Variants in DCAF8L2 observed in about 807,000 individuals in gnomAD.
DCAF8L2 encodes the protein DDB1- and CUL4-associated factor 8-like protein 2.
For missense variants in DCAF8L2, 430 were observed against 490.7 expected (o/e 0.88, Z 1.17); for synonymous variants, 200 against 190.9 (o/e 1.05, Z -0.39).
intron 2 of DCAF8L2, chrX:27,633,122 T>C (rs1416800176): frequency 1.8e-5 from 2 of 112,489 alleles, no homozygotes; most frequent in African/African-American, 3.2e-5. Flanking sequence ...CATACTTGAT[T>C]GTTAGTGTAA....
intron 2 of DCAF8L2, among the ~76,000 whole-genome samples, chrX:27,673,120 A>G (rs1293104458): frequency 9.0e-6 from 1 of 111,007 alleles, no homozygotes; most frequent in Non-Finnish European, 1.9e-5. Context: ...CAAGCTGGCT[A>G]GGAAGTATTT....
the DCAF8L2 span, among the ~76,000 whole-genome samples, chrX:27,494,407 A>AAAAT: frequency 1.8e-5 from 2 of 111,215 alleles, no homozygotes; most frequent in Admixed American, 9.6e-5. Context: ...CTCCGTCTCA[A>AAAAT]AAATAAATAA....
chrX:27,499,841 G>GT, the DCAF8L2 span, among the ~76,000 whole-genome samples: 3 of 108,545 alleles, frequency 2.8e-5, no homozygotes, highest in East Asian at 2.9e-4. Flanking sequence ...GGTGGTGGGG[G>GT]GGGGTACAGG....
chrX:27,656,462 T>G (rs766945098), intron 2 of DCAF8L2, among the ~76,000 whole-genome samples: 351 of 111,938 alleles, frequency 3.1e-3, no homozygotes, highest in Non-Finnish European at 5.6e-3. Context: ...TCTAATTGAT[T>G]GTATACTGTA....
At chrX:27,617,886 A>G (rs1408404485) in intron 1 of DCAF8L2, among the ~76,000 whole-genome samples, 1 of 112,158 alleles carries the variant, frequency 8.9e-6, no homozygotes, top group African/African-American at 3.2e-5. Context: ...ATGTTACTTC[A>G]ATAATGTGGA....
At chrX:27,577,952 A>G in the DCAF8L2 span, among the ~76,000 whole-genome samples, 2 of 111,846 alleles carry the variant, frequency 1.8e-5, no homozygotes, top group East Asian at 5.6e-4. Context: ...AAGAATCAAC[A>G]TCATGAAAAT....
intron 2 of DCAF8L2, among the ~76,000 whole-genome samples, chrX:27,649,700 G>A (rs1001456499): frequency 8.9e-6 from 1 of 111,810 alleles, no homozygotes; most frequent in Non-Finnish European, 1.9e-5. Context: ...CTTAATATTA[G>A]ACATTTGTCA....
intron 3 of DCAF8L2, among the ~76,000 whole-genome samples, chrX:27,679,711 T>C (rs922414733): frequency 9.0e-6 from 1 of 111,504 alleles, no homozygotes; most frequent in Non-Finnish European, 1.9e-5. Flanking sequence ...ACTATTCTTC[T>C]TTCAAGGTTT....
chrX:27,497,790 A>C, the DCAF8L2 span, among the ~76,000 whole-genome samples: 1 of 111,112 alleles, frequency 9.0e-6, no homozygotes, highest in African/African-American at 3.3e-5. Flanking sequence ...GCTGGCCTCA[A>C]ACTCCTGACC....
At chrX:27,714,897 T>A (rs1931644133) in intron 3 of DCAF8L2, among the ~76,000 whole-genome samples, 1 of 111,708 alleles carries the variant, frequency 9.0e-6, no homozygotes, top group Non-Finnish European at 1.9e-5. Flanking sequence ...ACCACATGGA[T>A]TTTTTTATTT....
At chrX:27,731,624 T>C (rs1044874345) in intron 4 of DCAF8L2, among the ~76,000 whole-genome samples, 1 of 110,657 alleles carries the variant, frequency 9.0e-6, no homozygotes, top group Non-Finnish European at 1.9e-5. Context: ...TGACCTCATC[T>C]GACTCGAATC....
chrX:27,547,891 T>TCTTTCTCCCTC, the DCAF8L2 span, among the ~76,000 whole-genome samples: 1 of 57,194 alleles, frequency 1.7e-5, no homozygotes, highest in Admixed American at 2.3e-4. Flanking sequence ...CTCTCTCTCT[T>TCTTTCTCCCTC]TCTCTCTCTC....
Position 27,593,088 on chromosome X carries a change from C to T in DCAF8L2, c.-342+2648C>T, listed in dbSNP as rs764865297. On this transcript the variant is annotated intron_variant, in intron 1 of 4. Coordinates refer to ENST00000451261, the MANE Select transcript of DCAF8L2 (RefSeq NM_001353450.2). ...TGCTGGAATGACAGGCATGAGCCAC[C>T]GTGCCCAGCCATCTCAACCATTTTT... is the stretch of plus-strand genomic sequence containing the variant. Among the ~76,000 whole-genome samples the T allele has an allele frequency of 2.7e-5, 3 of 111,960 alleles. No individual in the cohort carries two copies. In the South Asian group the frequency reaches 1.1e-3, roughly 42 times the overall value.
chrX:27,616,625 T>C (rs1927490221), intron 1 of DCAF8L2, among the ~76,000 whole-genome samples: 1 of 111,671 alleles, frequency 9.0e-6, no homozygotes, highest in Admixed American at 9.6e-5. Flanking sequence ...TAGTTTTTCT[T>C]TCTCCCTCCA....
At chrX:27,504,830 C>A in the DCAF8L2 span, among the ~76,000 whole-genome samples, 3 of 111,451 alleles carry the variant, frequency 2.7e-5, no homozygotes, top group African/African-American at 9.8e-5. Context: ...AGGATCACTA[C>A]AATATTTCAT....
chrX:27,643,714 C>T (rs765968661), intron 2 of DCAF8L2, among the ~76,000 whole-genome samples: 1 of 111,700 alleles, frequency 9.0e-6, no homozygotes, highest in Non-Finnish European at 1.9e-5. Context: ...ACTTTCCACA[C>T]GGTTATCCTT....
rs1931797304 is a variant in DCAF8L2 at position 27,718,993 on chromosome X, ATTGC to A, written c.-59+2825_-59+2828del. 2.7e-5 allele frequency among the ~76,000 whole-genome samples: 3 copies of A among 111,474 alleles called. No individual in the cohort carries two copies. In the South Asian group the frequency reaches 1.1e-3, roughly 41 times the overall value. On this transcript the variant is annotated intron_variant, in intron 4 of 4. Coordinates refer to ENST00000451261, the MANE Select transcript of DCAF8L2 (RefSeq NM_001353450.2). The stretch of plus-strand genomic sequence containing the variant: ...ACGCATATACACCCACATATATCCT[ATTGC>A]TTCTGTTTTTCTGAAGAATTTTGAC...
At chrX:27,726,474 C>A (rs922025391) in intron 4 of DCAF8L2, among the ~76,000 whole-genome samples, 1 of 110,804 alleles carries the variant, frequency 9.0e-6, no homozygotes, top group Non-Finnish European at 1.9e-5. Context: ...CATAGCTAAG[C>A]AAATCATATG....
the DCAF8L2 span, among the ~76,000 whole-genome samples, chrX:27,546,520 C>G: frequency 6.2e-5 from 7 of 112,362 alleles, no homozygotes; most frequent in African/African-American, 2.3e-4. Context: ...CCCTTTTGTG[C>G]TGCCCCAGCA....
Sources: gnomAD v4.1 joint callset for allele counts (sites outside exome capture counted in the v4.1 genomes callset) on GRCh38, gnomAD v4.1.1 for gene constraint, MANE v1.5 for transcripts, NCBI Gene and HGNC (gene_info 2026-07-23, HGNC 2026-07-21) for gene names.